RIMBP2: variants seen among roughly 807,000 people sequenced by gnomAD.
RIMBP2 encodes RIMS binding protein 2.
Under a neutral mutation model 118.6 loss-of-function variants are expected in RIMBP2, and 48 were observed. The ratio of observed to expected loss-of-function variants is 0.40; its 90% confidence interval spans 0.32 to 0.51. RIMBP2 has a LOEUF of 0.51. Among genes scored for constraint, RIMBP2 ranks in the 20% least tolerant of loss-of-function variants. RIMBP2 has a pLI of 0.41. For missense variants in RIMBP2, 1,551 were observed against 1,768.3 expected (o/e 0.88, Z 2.20); for synonymous variants, 762 against 742.9 (o/e 1.03, Z -0.42).
Position 130,420,619 on chromosome 12 carries a change from T to C in RIMBP2, c.3238+1834A>G, listed in dbSNP as rs544919986. Among the ~76,000 whole-genome samples the C allele has an allele frequency of 6.6e-6, 1 of 152,254 alleles. No homozygotes were observed. The highest frequency in any genetic ancestry group is 2.1e-4 in the South Asian group (1 of 4,822). On this transcript the variant is annotated intron_variant, in intron 17 of 22. Transcript: ENST00000690449. This position sits in a 1 kb window ranked among gnomAD's most constrained non-coding sequence, Gnocchi z 4.3. ...TTTTAAAAAAAAAGTCTCAACAATATACAGCCATTTGAAAAGCAATACTGA... is the reference window on the plus strand; with the variant it reads ...TTTTAAAAAAAAAGTCTCAACAATACACAGCCATTTGAAAAGCAATACTGA...
In RIMBP2 at chr12:130,436,822, G is replaced by A. The variant is rs528390660; in HGVS notation, c.2106+20C>T. The A allele has an allele frequency of 1.5e-6, 2 of 1,377,272 alleles. No individual in the cohort carries two copies. Among genetic ancestry groups the A allele is most frequent in the South Asian group, 3.7e-5 (2 of 54,744 alleles). The allele number at this position is 1,377,272 out of a possible 1,614,324, so 85.3% of individuals were successfully genotyped here. ...GGTTTGGGGACTGAGGAGCCACCGA[G>A]GCGGGAGCCCCAGCCTTACCCTGCT... On this transcript the variant is annotated intron_variant, in intron 13 of 22. Transcript: ENST00000690449.
chr12:130,434,889 G>A lies in RIMBP2; in HGVS notation c.2107-9C>T. On this transcript the variant is annotated splice_polypyrimidine_tract_variant and intron_variant, in intron 13 of 22. Transcript: ENST00000690449. The surrounding 1 kb of genome is among the most constrained non-coding windows in gnomAD (Gnocchi z 5.7). ...ACGCTCCTTTTCTCTAACTTGGAAA[G>A]AAAAAGGAGGCACACGGGTGAGGCA... is the stretch of plus-strand genomic sequence containing the variant. 1.3e-6 allele frequency: 2 copies of A among 1,598,992 alleles called. No homozygotes were observed. Among genetic ancestry groups the A allele is most frequent in the South Asian group, 1.1e-5 (1 of 89,596 alleles).
chr12:130,414,204 T>C lies in RIMBP2; in HGVS notation c.3341A>G (p.Asp1114Gly). Reference protein sequence around the residue: ...LPARIFVALFDYDPLTMSPNP... With the variant: ...LPARIFVALFGYDPLTMSPNP... Reference sequence around the variant, plus strand: ...TGGGGACATGGTGAGCGGGTCGTAGTCAAAGAGAGCCACAAAGATCCGGGC... The same window carrying C: ...TGGGGACATGGTGAGCGGGTCGTAGCCAAAGAGAGCCACAAAGATCCGGGC... Residue 1114 changes from aspartate (D) to glycine (G), a missense_variant, in exon 18 of 23, where the codon GAC (aspartate) becomes GGC (glycine). Coordinates refer to ENST00000690449, the MANE Select transcript of RIMBP2 (RefSeq NM_001393629.1). 6.2e-7 allele frequency: 1 copy of C among 1,614,178 alleles called. No individual in the cohort carries two copies. Among genetic ancestry groups the C allele is most frequent in the Middle Eastern group, 1.6e-4 (1 of 6,062 alleles).
At chr12:130,541,088 C>A (rs763618550) in intron 2 of RIMBP2, among the ~76,000 whole-genome samples, 11 of 152,102 alleles carry the variant, frequency 7.2e-5, no homozygotes, top group Non-Finnish European at 1.5e-4. Flanking sequence ...CCTGCTCCAT[C>A]CAGAGCAAGA....
chr12:130,402,212 C>T (rs186124708), intron 21 of RIMBP2, among the ~76,000 whole-genome samples: 37 of 152,258 alleles, frequency 2.4e-4, no homozygotes, highest in Non-Finnish European at 4.6e-4. Context: ...GCCTAAGTTC[C>T]GTTCTGTTTG....
At chr12:130,510,937 A>T (rs1360290973) in intron 3 of RIMBP2, among the ~76,000 whole-genome samples, 2 of 152,130 alleles carry the variant, frequency 1.3e-5, no homozygotes, top group African/African-American at 4.8e-5. Flanking sequence ...GGGAGGGAGA[A>T]CCGAAAAGAC....
At chr12:130,530,648 T>C (rs2053272702) in intron 2 of RIMBP2, among the ~76,000 whole-genome samples, 1 of 152,224 alleles carries the variant, frequency 6.6e-6, no homozygotes, top group South Asian at 2.1e-4. Context: ...ATGAAGGATG[T>C]GCCTCCTAGG....
intron 2 of RIMBP2, among the ~76,000 whole-genome samples, chr12:130,571,422 T>A (rs1274054950): frequency 6.6e-6 from 1 of 150,720 alleles, no homozygotes; most frequent in African/African-American, 2.4e-5. Flanking sequence ...TAACATTTTT[T>A]TTTTTTTTTT....
intron 1 of RIMBP2, among the ~76,000 whole-genome samples, chr12:130,694,071 G>A (rs1454517063): frequency 4.6e-5 from 7 of 152,212 alleles, no homozygotes; most frequent in Non-Finnish European, 1.0e-4. Context: ...TTGAGGCACT[G>A]CGTAACTGAG....
intron 1 of RIMBP2, among the ~76,000 whole-genome samples, chr12:130,675,000 T>A (rs2064385306): frequency 6.6e-6 from 1 of 152,172 alleles, no homozygotes; most frequent in African/African-American, 2.4e-5. Flanking sequence ...CACGTTTCGT[T>A]TATCTGCTCA....
intron 2 of RIMBP2, among the ~76,000 whole-genome samples, chr12:130,535,782 T>TATATATATAC (rs1491537590): frequency 1.5e-5 from 2 of 129,976 alleles, no homozygotes; most frequent in African/African-American, 5.6e-5. Flanking sequence ...TATATATATA[T>TATATATATAC]ACACATATTT....
At chr12:130,714,804 T>C (rs1918561) in intron 1 of RIMBP2, among the ~76,000 whole-genome samples, 140,064 of 152,202 alleles carry the variant, frequency 0.92, 65,553 homozygotes, top group East Asian at 1. Context: ...CTTGGGATCA[T>C]GTCTCACAGG....
intron 2 of RIMBP2, among the ~76,000 whole-genome samples, chr12:130,607,606 A>C (rs2060267493): frequency 6.6e-6 from 1 of 151,644 alleles, no homozygotes; most frequent in South Asian, 2.1e-4. Flanking sequence ...CTGCCTCCTT[A>C]AGTCATCCTC....
At chr12:130,569,386 A>C (rs186577521) in intron 2 of RIMBP2, among the ~76,000 whole-genome samples, 22 of 152,306 alleles carry the variant, frequency 1.4e-4, no homozygotes, top group African/African-American at 5.1e-4. Flanking sequence ...TCTCACGCCC[A>C]GTTCTTCTCC....
At chr12:130,613,606 G>C (rs1193823244) in intron 2 of RIMBP2, among the ~76,000 whole-genome samples, 1 of 152,124 alleles carries the variant, frequency 6.6e-6, no homozygotes, top group East Asian at 1.9e-4. Context: ...ACATGGTCGG[G>C]AGATGAAGAT....
At chr12:130,589,925 C>G (rs1432900681) in intron 2 of RIMBP2, among the ~76,000 whole-genome samples, 1 of 152,126 alleles carries the variant, frequency 6.6e-6, no homozygotes, top group African/African-American at 2.4e-5. Context: ...GCAGCTAACC[C>G]ACAGTCCTCA....
At position 130,525,898 on chromosome 12, in the gene RIMBP2, G is replaced by A. The variant is rs953345008; in HGVS notation, c.-216-7981C>T. ...AAGGGAAGAAATTCAAGCTCAAGGAGGTTAAGTAACTGAGCGAGCAGCCTC... is the reference window on the plus strand; with the variant it reads ...AAGGGAAGAAATTCAAGCTCAAGGAAGTTAAGTAACTGAGCGAGCAGCCTC... On this transcript the variant is annotated intron_variant, in intron 2 of 22. Coordinates refer to ENST00000690449, the MANE Select transcript of RIMBP2 (RefSeq NM_001393629.1). The surrounding 1 kb of genome is among the most constrained non-coding windows in gnomAD (Gnocchi z 4.4). 6.6e-6 allele frequency among the ~76,000 whole-genome samples: 1 copy of A among 152,150 alleles called. No individual in the cohort carries two copies. The highest frequency in any genetic ancestry group is 1.5e-5 in the Non-Finnish European group (1 of 68,020).
intron 18 of RIMBP2, 33 bp from the exon 19 acceptor site, chr12:130,412,820 G>A (rs770936803): frequency 6.3e-7 from 1 of 1,584,994 alleles, no homozygotes. Flanking sequence ...ATCAAGCACT[G>A]TAATTGATTG....
intron 4 of RIMBP2, among the ~76,000 whole-genome samples, chr12:130,502,970 G>A (rs1043424234): frequency 2.0e-5 from 3 of 152,176 alleles, no homozygotes; most frequent in Non-Finnish European, 4.4e-5. Context: ...GGACTTGCAG[G>A]CGGAGTCTAG....
Sources: allele counts gnomAD v4.1 joint callset (sites outside exome capture counted in the v4.1 genomes callset), GRCh38; gene constraint gnomAD v4.1.1; non-coding constraint Gnocchi (gnomAD v3.1); transcripts MANE v1.5; gene names NCBI Gene and HGNC (gene_info 2026-07-23, HGNC 2026-07-21).